The following SLC9C1 variants were observed in gnomAD, a reference collection of about 807,000 sequenced individuals.
SLC9C1 encodes sodium/hydrogen exchanger 10.
In SLC9C1, 97 loss-of-function variants were observed where a neutral mutation model predicts 140.9. The ratio of observed to expected loss-of-function variants is 0.69; its 90% CI spans 0.58 to 0.82. The LOEUF (loss-of-function observed/expected upper bound fraction) is 0.82, where lower values mean the gene tolerates loss of function less well. Among genes scored for constraint, SLC9C1 ranks in the 40% least tolerant of loss-of-function variants. The probability of loss-of-function intolerance (pLI) is 0.00; values close to 1 mark genes in which losing one functional copy is unlikely to be tolerated. For synonymous variants in SLC9C1, 440 were observed against 442.6 expected (o/e 0.99, Z 0.07); for missense variants, 1,340 against 1,389.3 (o/e 0.96, Z 0.56).
intron 16 of SLC9C1, among the ~76,000 whole-genome samples, chr3:112,206,682 T>C (rs1236735985): frequency 6.6e-6 from 1 of 152,104 alleles, no homozygotes; most frequent in African/African-American, 2.4e-5. Flanking sequence ...GATGGGTTCA[T>C]GTCCTTTGTA....
At chr3:112,151,309 C>G (rs1314743557) in intron 28 of SLC9C1, 1 of 518,348 alleles carries the variant, frequency 1.9e-6, no homozygotes, top group Admixed American at 1.9e-5. Flanking sequence ...TCATTGTTCC[C>G]CAAAGGTCTT....
At chr3:112,210,459 A>G (rs1338866454) in intron 15 of SLC9C1, among the ~76,000 whole-genome samples, 2 of 152,248 alleles carry the variant, frequency 1.3e-5, no homozygotes, top group African/African-American at 2.4e-5. Context: ...CATAGTGATG[A>G]TTTCATTTAT....
At chr3:112,182,318 G>A in intron 20 of SLC9C1, 60 bp from the exon 21 acceptor site, 1 of 1,526,930 alleles carries the variant, frequency 6.5e-7, no homozygotes, top group Non-Finnish European at 8.8e-7. Context: ...AATGTTTAAG[G>A]CAGACAGGTC....
At chr3:112,152,405 T>A (rs572601069) in intron 27 of SLC9C1, among the ~76,000 whole-genome samples, 1 of 152,288 alleles carries the variant, frequency 6.6e-6, no homozygotes, top group East Asian at 1.9e-4. Context: ...TGCCAGCATG[T>A]CTCACCTCCA....
intron 15 of SLC9C1, among the ~76,000 whole-genome samples, chr3:112,210,107 G>A (rs1415763689): frequency 6.6e-6 from 1 of 152,160 alleles, no homozygotes; most frequent in Non-Finnish European, 1.5e-5. Flanking sequence ...ACAATTTGGT[G>A]GTTACTCAAG....
At chr3:112,190,782 A>G (rs955552881) in intron 20 of SLC9C1, among the ~76,000 whole-genome samples, 2 of 151,968 alleles carry the variant, frequency 1.3e-5, no homozygotes, top group African/African-American at 4.8e-5. Context: ...ATTGATTTCT[A>G]TAAACTTTTT....
At chr3:112,225,982 C>A (rs2078672492) in intron 13 of SLC9C1, among the ~76,000 whole-genome samples, 1 of 151,566 alleles carries the variant, frequency 6.6e-6, no homozygotes, top group Non-Finnish European at 1.5e-5. Flanking sequence ...TCTTTAAAAC[C>A]CCAGTCATAG....
At chr3:112,280,119 A>G (rs2080318472) in intron 3 of SLC9C1, among the ~76,000 whole-genome samples, 1 of 152,218 alleles carries the variant, frequency 6.6e-6, no homozygotes, top group Non-Finnish European at 1.5e-5. Context: ...TTTTAACATC[A>G]TTGACTGAAT....
In SLC9C1 at chr3:112,267,575, C is replaced by CAAAA. The variant is rs71933510; in HGVS notation, c.776-1239_776-1236dup. On this transcript the variant is annotated intron_variant, in intron 7 of 28. Coordinates refer to ENST00000305815, the MANE Select transcript of SLC9C1 (RefSeq NM_183061.3). Reference sequence around the variant, plus strand: ...TGGGTGACAGAGCAAGACTCCGTCTCAAAAAAAAAAAAAAAAAAAAAAGAG... The same window carrying CAAAA: ...TGGGTGACAGAGCAAGACTCCGTCTCAAAAAAAAAAAAAAAAAAAAAAAAAAGAG... Among the ~76,000 whole-genome samples the CAAAA allele has an allele frequency of 5.3e-3, 298 of 56,710 alleles. 2 individuals are homozygous for CAAAA. The highest frequency in any genetic ancestry group is 0.012 in the South Asian group (8 of 686). 37.2% of individuals were successfully genotyped at this position (56,710 alleles called of 152,430 possible).
chr3:112,257,433 A>G (rs2079639612), intron 10 of SLC9C1, among the ~76,000 whole-genome samples: 1 of 152,168 alleles, frequency 6.6e-6, no homozygotes, highest in Admixed American at 6.6e-5. Context: ...AAGGCTGTCA[A>G]AAAGAAGCAA....
chr3:112,238,852 G>T (rs6802889), intron 12 of SLC9C1, among the ~76,000 whole-genome samples: 89,931 of 152,034 alleles, frequency 0.59, 27,126 homozygotes, highest in East Asian at 0.79. Flanking sequence ...CCATGTGAGG[G>T]GTCAGTCTGC....
intron 28 of SLC9C1, among the ~76,000 whole-genome samples, chr3:112,147,287 T>G (rs1230901640): frequency 6.6e-6 from 1 of 152,240 alleles, no homozygotes; most frequent in Non-Finnish European, 1.5e-5. Flanking sequence ...ACCATTTACA[T>G]TCAAGATTCA....
In SLC9C1 at chr3:112,263,037, G is replaced by A. The variant is rs747653983; in HGVS notation, c.1084C>T (p.Arg362Cys). The A allele has an allele frequency of 2.9e-5, 46 of 1,601,204 alleles. No individual in the cohort carries two copies. The highest frequency in any genetic ancestry group is 1.0e-4 in the Admixed American group (6 of 58,148). ...LSRVGHEFSW[R>C]WIFIMVCSEM... ...CTACAGACCATTATGAATATCCAGC[G>A]CCAACTGAACTCATGACCAACTCGA... is the stretch of plus-strand genomic sequence containing the variant. Residue 362 changes from arginine (R) to cysteine (C), a missense_variant, in exon 10 of 29, where the codon CGC (arginine) becomes TGC (cysteine). Physicochemically the swap from Arg to Cys is radical, Grantham distance 180 (BLOSUM62 -3). Coordinates refer to ENST00000305815, the MANE Select transcript of SLC9C1 (RefSeq NM_183061.3).
chr3:112,211,918 T>A (rs1452058148), intron 15 of SLC9C1, among the ~76,000 whole-genome samples: 4 of 152,124 alleles, frequency 2.6e-5, no homozygotes, highest in African/African-American at 9.7e-5. Context: ...CTCAAGTGGA[T>A]CTCTGACCCC....
intron 13 of SLC9C1, 116 bp from the exon 14 acceptor site, chr3:112,221,341 G>T (rs544732499): frequency 2.3e-6 from 2 of 859,232 alleles, no homozygotes; most frequent in East Asian, 2.7e-5. Flanking sequence ...TAGTCTGTTT[G>T]TAAAAAGAAT....
At chr3:112,249,405 A>G (rs1036481759) in intron 10 of SLC9C1, among the ~76,000 whole-genome samples, 1 of 151,510 alleles carries the variant, frequency 6.6e-6, no homozygotes, top group Non-Finnish European at 1.5e-5. Flanking sequence ...ATTGGCCCGA[A>G]GTTTTATTTT....
At chr3:112,280,507 T>A (rs1415611794) in intron 3 of SLC9C1, among the ~76,000 whole-genome samples, 176 bp downstream of exon 3, 1 of 152,200 alleles carries the variant, frequency 6.6e-6, no homozygotes, top group East Asian at 1.9e-4. Context: ...AGATCTCAGC[T>A]TTTGCAGGCC....
chr3:112,182,133 C>T lies in SLC9C1; in HGVS notation c.2649G>A (p.Gln883=). ...DKNKDYINFI[Q]EKAKVVTFDC... The stretch of plus-strand genomic sequence containing the variant: ...TATTAATAGGAAATAAAAGTGTTAC[C>T]TGAATGAAGTTTATATAATCTTTGT... Residue 883 remains glutamine (Q), a splice_region_variant and synonymous_variant, in exon 21 of 29, where the codon CAG becomes CAA. Coordinates refer to ENST00000305815, the MANE Select transcript of SLC9C1 (RefSeq NM_183061.3). The T allele has an allele frequency of 1.3e-6, 2 of 1,514,542 alleles. No individual in the cohort carries two copies. The highest frequency in any genetic ancestry group is 1.8e-6 in the Non-Finnish European group (2 of 1,130,124). The allele number at this position is 1,514,542 out of a possible 1,614,324, so 93.8% of individuals were successfully genotyped here. A position where few individuals can be genotyped will look rare whatever the true frequency, so the allele number is the denominator to read the frequency against.
intron 15 of SLC9C1, among the ~76,000 whole-genome samples, chr3:112,216,997 C>T (rs2078393445): frequency 6.6e-6 from 1 of 152,086 alleles, no homozygotes; most frequent in African/African-American, 2.4e-5. Context: ...AAATATGTCA[C>T]ATATACACCG....
Sources: gnomAD v4.1 joint callset for allele counts (sites outside exome capture counted in the v4.1 genomes callset) on GRCh38, gnomAD v4.1.1 for gene constraint, MANE v1.5 for transcripts, NCBI Gene and HGNC (gene_info 2026-07-23, HGNC 2026-07-21) for gene names.